The following CREB3L2 variants were observed in gnomAD, a reference collection of about 807,000 sequenced individuals.
CREB3L2 encodes the protein cAMP responsive element binding protein 3 like 2, also known as cyclic AMP-responsive element-binding protein 3-like protein 2.
CREB3L2 carries 23 observed loss-of-function variants against 57.2 expected under a neutral mutation model. The observed-to-expected ratio is 0.40, with a 90% CI of 0.29 to 0.57. CREB3L2 has a LOEUF of 0.57. Among genes scored for constraint, CREB3L2 ranks in the 20% least tolerant of loss-of-function variants. CREB3L2 has a pLI of 0.42. For synonymous variants in CREB3L2, 268 were observed against 265.1 expected, an observed-to-expected ratio of 1.01 and a Z score of -0.11; for missense variants, 628 against 634.7, an observed-to-expected ratio of 0.99 and a Z score of 0.11.
At chr7:137,913,827 T>G (rs1328006178) in intron 3 of CREB3L2, among the ~76,000 whole-genome samples, 1 of 152,096 alleles carries the variant, frequency 6.6e-6, no homozygotes, top group Admixed American at 6.5e-5. Flanking sequence ...ACTACAGAAT[T>G]TAGTTGTAGA....
chr7:137,987,756 T>G (rs1321185496), intron 1 of CREB3L2, among the ~76,000 whole-genome samples: 1 of 152,210 alleles, frequency 6.6e-6, no homozygotes, highest in Non-Finnish European at 1.5e-5. Context: ...CAATCATGGC[T>G]CACTGCAGCC....
At chr7:137,893,941 T>C (rs1799570274) in intron 8 of CREB3L2, among the ~76,000 whole-genome samples, 1 of 152,210 alleles carries the variant, frequency 6.6e-6, no homozygotes, top group Non-Finnish European at 1.5e-5. Context: ...TTGAACAGAA[T>C]TCTTGGACTT....
intron 1 of CREB3L2, among the ~76,000 whole-genome samples, chr7:137,971,975 T>C (rs1275845844): frequency 6.6e-6 from 1 of 151,588 alleles, no homozygotes; most frequent in African/African-American, 2.4e-5. Flanking sequence ...TAGGAAAATG[T>C]CCATTATTAA....
intron 9 of CREB3L2, 60 bp downstream of exon 9, chr7:137,885,343 A>G: frequency 7.1e-7 from 1 of 1,417,660 alleles, no homozygotes; most frequent in Non-Finnish European, 9.9e-7. Context: ...AAGTGGAGGG[A>G]GAGGGGAGAC....
Position 137,882,587 on chromosome 7 carries a change from G to T in CREB3L2, c.1312C>A (p.Pro438Thr). Residue 438 changes from proline (P) to threonine (T), a missense_variant, in exon 11 of 12, where the codon CCA (proline) becomes ACA (threonine). By Grantham distance (38) the Pro-to-Thr change is conservative (BLOSUM62 -1). Transcript: ENST00000330387. ...GAGCCCGGGCTGGATGACTCCTCTG[G>T]GGGAGAATGTTCCTCGTAGATCAGC... ...NLLIYEEHSPPEESSSPGSAG... is the reference protein window; with the variant it reads ...NLLIYEEHSPTEESSSPGSAG... The T allele has an allele frequency of 6.2e-7, 1 of 1,611,828 alleles. No individual in the cohort carries two copies. The highest frequency in any genetic ancestry group is 1.1e-5 in the South Asian group (1 of 90,950).
At position 137,928,213 on chromosome 7, in the gene CREB3L2, A is replaced by G. The variant is rs777570945; in HGVS notation, c.256T>C (p.Cys86Arg). Residue 86 changes from cysteine (C) to arginine (R), a missense_variant, in exon 2 of 12, where the codon TGC (cysteine) becomes CGC (arginine). By Grantham distance (180) the Cys-to-Arg change is radical (BLOSUM62 -3). This residue lies in a region of CREB3L2 where 339 missense variants were observed against 355.4 expected (regional missense o/e 0.95). Transcript: ENST00000330387. ...LIQAEHSYSLCEEPRAQSPFT... is the reference protein window; with the variant it reads ...LIQAEHSYSLREEPRAQSPFT... Reference sequence around the variant, plus strand: ...GGCGACTGGGCCCGAGGCTCCTCGCACAGGGAGTAGCTGTGCTCAGCCTGG... The same window carrying G: ...GGCGACTGGGCCCGAGGCTCCTCGCGCAGGGAGTAGCTGTGCTCAGCCTGG... 18 of 1,608,608 alleles carry G rather than the reference A, an allele frequency of 1.1e-5. No homozygotes were observed. The highest frequency in any genetic ancestry group is 1.5e-5 in the Non-Finnish European group (18 of 1,177,326).
intron 10 of CREB3L2, chr7:137,884,731 G>A: frequency 1.7e-6 from 1 of 603,540 alleles, no homozygotes; most frequent in South Asian, 2.0e-5. Flanking sequence ...AAAATTAGAT[G>A]TCAGAATGGA....
intron 1 of CREB3L2, among the ~76,000 whole-genome samples, chr7:137,939,124 G>A (rs1309101580): frequency 6.6e-6 from 1 of 152,170 alleles, no homozygotes; most frequent in Non-Finnish European, 1.5e-5. Context: ...TGGCCCAAGA[G>A]TATCCAACAA....
At chr7:137,891,392 G>A (rs550248757) in intron 8 of CREB3L2, among the ~76,000 whole-genome samples, 4 of 152,198 alleles carry the variant, frequency 2.6e-5, no homozygotes, top group Admixed American at 2.6e-4. Context: ...CTTTTTGTGT[G>A]TGTTTCCTTA....
intron 1 of CREB3L2, among the ~76,000 whole-genome samples, chr7:137,967,701 C>T (rs1171053689): frequency 1.3e-5 from 2 of 152,166 alleles, no homozygotes; most frequent in Non-Finnish European, 2.9e-5. Context: ...CCCCTGCTCC[C>T]GATCGCTGGA....
chr7:137,950,185 T>C (rs1442121065), intron 1 of CREB3L2, among the ~76,000 whole-genome samples: 2 of 152,182 alleles, frequency 1.3e-5, no homozygotes, highest in East Asian at 3.9e-4. Context: ...TGCTTCTTGA[T>C]CTTCGATGGT....
At chr7:137,966,270 T>C (rs1256543648) in intron 1 of CREB3L2, among the ~76,000 whole-genome samples, 1 of 152,234 alleles carries the variant, frequency 6.6e-6, no homozygotes, top group Non-Finnish European at 1.5e-5. Flanking sequence ...GCATAATTTG[T>C]AAAATAGATT....
intron 1 of CREB3L2, among the ~76,000 whole-genome samples, chr7:137,985,610 A>G (rs1801779924): frequency 6.6e-6 from 1 of 152,190 alleles, no homozygotes; most frequent in Non-Finnish European, 1.5e-5. Flanking sequence ...TTAGGAAAAA[A>G]TAATGTAAGT....
At chr7:137,958,985 A>G (rs901838491) in intron 1 of CREB3L2, among the ~76,000 whole-genome samples, 3 of 152,336 alleles carry the variant, frequency 2.0e-5, no homozygotes, top group East Asian at 1.9e-4. Flanking sequence ...ATTTTTAAAG[A>G]GACTAACATT....
At position 137,880,346 on chromosome 7, in the gene CREB3L2, A is replaced by G. The variant is rs768319337; in HGVS notation, c.*130T>C. ...CAGGGAAGTCCCAGGCTGGTCTCCA[A>G]TCTGAAGCCACTAATGCTTGCCCAT... is the stretch of plus-strand genomic sequence containing the variant. On this transcript the variant is annotated 3_prime_UTR_variant, in exon 12 of 12. Transcript: ENST00000330387. The surrounding 1 kb of genome is among the most constrained non-coding windows in gnomAD (Gnocchi z 4.0). The G allele has an allele frequency of 1.6e-5, 12 of 744,852 alleles. No homozygotes were observed. In the South Asian group the frequency reaches 1.6e-4, roughly 10 times the overall value. The allele number at this position is 744,852 out of a possible 1,614,324, so 46.1% of individuals were successfully genotyped here.
rs61145776 is a variant in CREB3L2 at position 137,946,892 on chromosome 7, A to C, written c.103-18526T>G. ...TATATATAGTTATCTATATAGTTAT[A>C]TATATAGTTATATATATAGTTATAT... is the stretch of plus-strand genomic sequence containing the variant. On this transcript the variant is annotated intron_variant, in intron 1 of 11. Transcript: ENST00000330387. Among the ~76,000 whole-genome samples the C allele has an allele frequency of 9.6e-3, 450 of 47,112 alleles. 36 individuals carry two copies. Among genetic ancestry groups the C allele is most frequent in the Non-Finnish European group, 0.011 (308 of 27,428 alleles). 30.9% of individuals were successfully genotyped at this position (47,112 alleles called of 152,430 possible).
intron 1 of CREB3L2, among the ~76,000 whole-genome samples, chr7:137,944,767 A>G (rs1800939420): frequency 6.6e-6 from 1 of 152,182 alleles, no homozygotes. Context: ...GAATTCCCTA[A>G]TTTATAATTG....
At chr7:137,953,980 C>G (rs1801157522) in intron 1 of CREB3L2, among the ~76,000 whole-genome samples, 2 of 152,130 alleles carry the variant, frequency 1.3e-5, no homozygotes, top group South Asian at 2.1e-4. Context: ...ACAGCACTCT[C>G]CTGATGAATC....
chr7:137,929,099 T>A (rs1334161312), intron 1 of CREB3L2, among the ~76,000 whole-genome samples: 1 of 152,184 alleles, frequency 6.6e-6, no homozygotes, highest in Non-Finnish European at 1.5e-5. Flanking sequence ...CTAGACTTTG[T>A]TCCTCTCTGG....
Sources: allele counts gnomAD v4.1 joint callset (sites outside exome capture counted in the v4.1 genomes callset), GRCh38; gene constraint gnomAD v4.1.1; regional missense constraint gnomAD v4.1.1; non-coding constraint Gnocchi (gnomAD v3.1); transcripts MANE v1.5; gene names NCBI Gene and HGNC (gene_info 2026-07-23, HGNC 2026-07-21).